ZC3H3: variants seen among roughly 807,000 people sequenced by gnomAD.
The protein encoded by ZC3H3 is zinc finger CCCH domain-containing protein 3.
A neutral mutation model predicts 77.3 loss-of-function variants in ZC3H3; 36 were observed. That is an observed-to-expected ratio of 0.47 (90% CI 0.36 to 0.61). ZC3H3 has a LOEUF of 0.61. Ranked by LOEUF, ZC3H3 falls within the 20% of genes least tolerant of loss-of-function variation. ZC3H3 has a pLI of 0.00. For missense variants in ZC3H3, 1,331 were observed against 1,312.2 expected, an observed-to-expected ratio of 1.01 and a Z score of -0.22; for synonymous variants, 626 against 555.2, an observed-to-expected ratio of 1.13 and a Z score of -1.79.
chr8:143,461,198 T>C (rs1820253031), intron 9 of ZC3H3, among the ~76,000 whole-genome samples: 1 of 152,200 alleles, frequency 6.6e-6, no homozygotes, highest in Non-Finnish European at 1.5e-5. Flanking sequence ...ACGTGAATCA[T>C]ATCTCAACAA....
intron 2 of ZC3H3, 50 bp downstream of exon 2, chr8:143,537,953 A>T (rs747785588): frequency 1.5e-5 from 22 of 1,511,484 alleles, no homozygotes; most frequent in Non-Finnish European, 2.0e-5. Context: ...TGCCAAACAA[A>T]CCCTCCTCAC....
Position 143,507,780 on chromosome 8 carries a change from G to T in ZC3H3, c.1681C>A (p.Pro561Thr). ...GAGAGCCGCCGGGCCCGCCAGGAGG[G>T]CAGAGACAGGGGGAAGGGCGGGGCG... is the stretch of plus-strand genomic sequence containing the variant. ...LSAPPFPLSL[P>T]SWRARRLSLS... Residue 561 changes from proline to threonine, a missense_variant, in exon 4 of 12, where the codon CCC becomes ACC. By Grantham distance (38) the Pro-to-Thr change is conservative. Around this residue, in one of 3 missense-constraint regions of ZC3H3, gnomAD observed 978 missense variants for 915.5 expected, o/e 1.07. Transcript: ENST00000262577. The T allele has an allele frequency of 6.3e-7, 1 of 1,599,014 alleles. No homozygotes were observed. Among genetic ancestry groups the T allele is most frequent in the Non-Finnish European group, 8.5e-7 (1 of 1,174,728 alleles).
In ZC3H3 at chr8:143,507,825, T is replaced by C; in HGVS notation, c.1636A>G (p.Thr546Ala). Residue 546 changes from threonine to alanine, a missense_variant, in exon 4 of 12, where the codon ACG becomes GCG. This residue lies in a region of ZC3H3 where 978 missense variants were observed against 915.5 expected (regional missense o/e 1.07). Coordinates refer to ENST00000262577, the MANE Select transcript of ZC3H3 (RefSeq NM_015117.3). ...GGGGCGCTGAGAGGCGAGGCCGGCG[T>C]CTTCTTGACAATGCGGTAGCGGGTC... Reference protein sequence around the residue: ...IKTRYRIVKKTPASPLSAPPF... With the variant: ...IKTRYRIVKKAPASPLSAPPF... 1 of 1,608,818 alleles carries C rather than the reference T, an allele frequency of 6.2e-7. No individual in the cohort carries two copies. The highest frequency in any genetic ancestry group is 8.5e-7 in the Non-Finnish European group (1 of 1,178,246).
At chr8:143,536,616 T>C (rs1454241957) in intron 2 of ZC3H3, among the ~76,000 whole-genome samples, 163 bp from the exon 3 acceptor site, 1 of 152,042 alleles carries the variant, frequency 6.6e-6, no homozygotes, top group Non-Finnish European at 1.5e-5. Context: ...ATGGCGGCCC[T>C]GCCCACCCTC....
At position 143,465,761 on chromosome 8, in the gene ZC3H3, C is replaced by A. The variant is rs781585241; in HGVS notation, c.2263G>T (p.Val755Phe). 2.5e-6 allele frequency: 4 copies of A among 1,613,858 alleles called. No individual in the cohort carries two copies. The highest frequency in any genetic ancestry group is 3.4e-6 in the Non-Finnish European group (4 of 1,180,018). Residue 755 changes from valine to phenylalanine, a missense_variant, in exon 9 of 12, where the codon GTC (valine) becomes TTC (phenylalanine). Val to Phe is a conservative substitution (Grantham distance 50, BLOSUM62 -1). Around this residue, in one of 3 missense-constraint regions of ZC3H3, gnomAD observed 104 missense variants for 159.7 expected, o/e 0.65. Coordinates refer to ENST00000262577, the MANE Select transcript of ZC3H3 (RefSeq NM_015117.3). ...TAGCCTTTGAGGAAGTCGCTGCAGA[C>A]CTCGGCCTTGCGGGACACGTACACG... is the stretch of plus-strand genomic sequence containing the variant. ...SHVYVSRKAE[V>F]CSDFLKGYCP... is the part of the protein sequence containing the mutation.
At chr8:143,468,590 A>C in intron 6 of ZC3H3, 27 bp downstream of exon 6, 1 of 1,582,140 alleles carries the variant, frequency 6.3e-7, no homozygotes, top group Non-Finnish European at 8.6e-7. Flanking sequence ...CAGGGAGCCC[A>C]CCCACTGCCC....
chr8:143,492,159 G>A (rs74560828), intron 4 of ZC3H3, among the ~76,000 whole-genome samples: 528 of 152,324 alleles, frequency 3.5e-3, no homozygotes, highest in African/African-American at 0.012. Flanking sequence ...GGCCTAAGAG[G>A]CACAGAGATG....
At chr8:143,501,108 C>T (rs1052906691) in intron 4 of ZC3H3, among the ~76,000 whole-genome samples, 21 of 151,996 alleles carry the variant, frequency 1.4e-4, no homozygotes, top group African/African-American at 4.8e-4. Context: ...TGAGCCACTG[C>T]ACCCGGCCAT....
At chr8:143,524,713 G>A (rs1822356150) in intron 3 of ZC3H3, among the ~76,000 whole-genome samples, 1 of 152,264 alleles carries the variant, frequency 6.6e-6, no homozygotes, top group South Asian at 2.1e-4. Context: ...GCTGCGCTGC[G>A]CTGCACTGGT....
chr8:143,518,348 C>A (rs1051183469), intron 3 of ZC3H3, among the ~76,000 whole-genome samples: 1 of 152,224 alleles, frequency 6.6e-6, no homozygotes, highest in African/African-American at 2.4e-5. Context: ...GGCTGCCGGG[C>A]GGCACGGAGA....
rs1488322543 is a variant in ZC3H3 at position 143,438,050 on chromosome 8, G to C, written c.*6C>G. 1 of 1,610,638 alleles carries C rather than the reference G, an allele frequency of 6.2e-7. No individual in the cohort carries two copies. The highest frequency in any genetic ancestry group is 1.1e-5 in the South Asian group (1 of 90,116). On this transcript the variant is annotated 3_prime_UTR_variant, in exon 12 of 12. Transcript: ENST00000262577. ...TGAGGTAGGTGCAGGCCGGTCCCTGGGGTCCTCACAGACGTGGTTTGATGT... is the reference window on the plus strand; with the variant it reads ...TGAGGTAGGTGCAGGCCGGTCCCTGCGGTCCTCACAGACGTGGTTTGATGT...
At position 143,475,582 on chromosome 8, in the gene ZC3H3, G is replaced by C. The variant is rs1230157522; in HGVS notation, c.1719C>G (p.Ser573=). ...WRARRLSLSR[S]LVLNRLRPVA... is the part of the protein sequence containing the mutation. ...CTGGACGCAGGCGGTTCAGCACCAGGGACCTGCAGAGACAGGAAATGCCCG... is the reference window on the plus strand; with the variant it reads ...CTGGACGCAGGCGGTTCAGCACCAGCGACCTGCAGAGACAGGAAATGCCCG... Residue 573 remains serine (S), a synonymous_variant, in exon 5 of 12, where the codon TCC becomes TCG. Transcript: ENST00000262577. 6.3e-7 allele frequency: 1 copy of C among 1,593,136 alleles called. No individual in the cohort carries two copies.
intron 9 of ZC3H3, among the ~76,000 whole-genome samples, chr8:143,444,730 G>A (rs1819825176): frequency 6.6e-6 from 1 of 152,134 alleles, no homozygotes. Context: ...TGAAATACAG[G>A]GTTTCGTAAA....
At chr8:143,532,330 G>A (rs936779803) in intron 3 of ZC3H3, among the ~76,000 whole-genome samples, 1 of 152,262 alleles carries the variant, frequency 6.6e-6, no homozygotes, top group Non-Finnish European at 1.5e-5. Context: ...GGGGAGGGAG[G>A]CGGCAGCAGG....
chr8:143,534,611 C>A (rs578207263), intron 3 of ZC3H3, among the ~76,000 whole-genome samples: 1 of 152,266 alleles, frequency 6.6e-6, no homozygotes, highest in East Asian at 1.9e-4. Flanking sequence ...GCTCAGCAGA[C>A]CCTGCTGGCC....
intron 5 of ZC3H3, among the ~76,000 whole-genome samples, chr8:143,472,214 T>C (rs1234502203): frequency 6.6e-6 from 1 of 152,206 alleles, no homozygotes; most frequent in East Asian, 1.9e-4. Flanking sequence ...TTGCTGCTGG[T>C]GCAGGGGTGA....
At chr8:143,476,091 G>A (rs1820726290) in intron 4 of ZC3H3, among the ~76,000 whole-genome samples, 1 of 152,152 alleles carries the variant, frequency 6.6e-6, no homozygotes, top group East Asian at 1.9e-4. Context: ...CCCTTGAGTC[G>A]GCTTCAAGGC....
At chr8:143,475,635 G>A (rs1417386680) in intron 4 of ZC3H3, 50 bp from the exon 5 acceptor site, 1 of 1,510,122 alleles carries the variant, frequency 6.6e-7, no homozygotes, top group Non-Finnish European at 8.9e-7. Context: ...ACAGACTACA[G>A]CTCTGATGGT....
At chr8:143,532,325 G>A (rs1586966364) in intron 3 of ZC3H3, among the ~76,000 whole-genome samples, 1 of 152,406 alleles carries the variant, frequency 6.6e-6, no homozygotes, top group East Asian at 1.9e-4. Context: ...CGGCGGGGGA[G>A]GGAGGCGGCA....
Sources: gnomAD v4.1 joint callset for allele counts (sites outside exome capture counted in the v4.1 genomes callset) on GRCh38, gnomAD v4.1.1 for gene constraint, gnomAD v4.1.1 regional missense constraint, MANE v1.5 for transcripts, NCBI Gene and HGNC (gene_info 2026-07-23, HGNC 2026-07-21) for gene names.